Variants in BICC1 observed in about 807,000 individuals in gnomAD.
BICC1 encodes the protein protein bicaudal C homolog 1.
A neutral mutation model predicts 111.0 loss-of-function variants in BICC1; 43 were observed. That is an observed-to-expected ratio of 0.39 (90% CI 0.30 to 0.50). BICC1 has a LOEUF of 0.50. Ranked by LOEUF, BICC1 falls within the 20% of genes least tolerant of loss-of-function variation. The pLI is 0.88. For missense variants in BICC1, 1,091 were observed against 1,203.2 expected (o/e 0.91, Z 1.38); for synonymous variants, 467 against 434.4 (o/e 1.07, Z -0.93).
chr10:58,652,294 A>G (rs1400631953), intron 2 of BICC1, among the ~76,000 whole-genome samples: 4 of 152,172 alleles, frequency 2.6e-5, no homozygotes, highest in Non-Finnish European at 5.9e-5. Context: ...AAATTTGGGA[A>G]TCCTGAGTTT....
chr10:58,620,856 T>A lies in BICC1; in HGVS notation c.192T>A (p.Ala64=). Residue 64 remains alanine (A), a splice_region_variant and synonymous_variant, in exon 2 of 21, where the codon GCT becomes GCA. Coordinates refer to ENST00000373886, the MANE Select transcript of BICC1 (RefSeq NM_001080512.3). The stretch of plus-strand genomic sequence containing the variant: ...AAATGTGCACATTTTTATTTACAGC[T>A]GCTGCTGAAGGGAAAGGCAGAAGTG... ...DRKKLEAMLQ[A]AAEGKGRSGE... is the part of the protein sequence containing the mutation. 5 of 1,612,884 alleles carry A rather than the reference T, an allele frequency of 3.1e-6. No individual in the cohort carries two copies. Among genetic ancestry groups the A allele is most frequent in the Non-Finnish European group, 3.4e-6 (4 of 1,179,660 alleles).
At chr10:58,743,583 T>C (rs535583594) in intron 3 of BICC1, among the ~76,000 whole-genome samples, 4 of 152,108 alleles carry the variant, frequency 2.6e-5, no homozygotes, top group South Asian at 4.1e-4. Context: ...AGACAGCAGC[T>C]GTGAAAACAT....
At chr10:58,549,837 C>T (rs1843247315) in intron 1 of BICC1, among the ~76,000 whole-genome samples, 1 of 151,480 alleles carries the variant, frequency 6.6e-6, no homozygotes, top group Non-Finnish European at 1.5e-5. Flanking sequence ...AGATGTGCAC[C>T]ATTGTGCCCG....
intron 1 of BICC1, among the ~76,000 whole-genome samples, chr10:58,565,575 C>T (rs529837743): frequency 3.3e-5 from 5 of 152,208 alleles, no homozygotes; most frequent in Non-Finnish European, 4.4e-5. Context: ...ATGCCCTGGG[C>T]GGACAGTACT....
chr10:58,512,496 T>C (rs1298150001), upstream of BICC1, among the ~76,000 whole-genome samples: 2 of 152,088 alleles, frequency 1.3e-5, no homozygotes, highest in Non-Finnish European at 2.9e-5. Flanking sequence ...GGCGTGTTTG[T>C]GTTTGTGTGT....
At chr10:58,651,907 A>G (rs922245896) in intron 2 of BICC1, among the ~76,000 whole-genome samples, 1 of 152,176 alleles carries the variant, frequency 6.6e-6, no homozygotes, top group Non-Finnish European at 1.5e-5. Context: ...TTTTCTTGAG[A>G]TAACAGGATT....
intron 3 of BICC1, among the ~76,000 whole-genome samples, chr10:58,756,256 T>C (rs573529209): frequency 6.6e-6 from 1 of 152,302 alleles, no homozygotes; most frequent in South Asian, 2.1e-4. Context: ...GGCTTTTTTT[T>C]GCTTTTCCGT....
At chr10:58,522,538 T>C (rs1842419562) in intron 1 of BICC1, among the ~76,000 whole-genome samples, 1 of 152,126 alleles carries the variant, frequency 6.6e-6, no homozygotes, top group Non-Finnish European at 1.5e-5. Flanking sequence ...CCAGAATCTC[T>C]GGGATACATT....
chr10:58,758,983 G>A lies in BICC1; in HGVS notation c.308-26018G>A, dbSNP rs187974431. ...TTTATTTATTTATTTATTTTGAGAT[G>A]GAGTCTTGCTTTGTCACTCAGGCTG... On this transcript the variant is annotated intron_variant, in intron 3 of 20. Transcript: ENST00000373886. Among the ~76,000 whole-genome samples the A allele has an allele frequency of 3.6e-3, 538 of 150,256 alleles. 2 individuals carry two copies. Among genetic ancestry groups the A allele is most frequent in the African/African-American group, 0.012 (480 of 40,910 alleles).
At chr10:58,617,434 T>TGAATACAAGTCCCTTAGCA (rs1417864367) in intron 1 of BICC1, among the ~76,000 whole-genome samples, 1 of 152,000 alleles carries the variant, frequency 6.6e-6, no homozygotes, top group African/African-American at 2.4e-5. Context: ...GCAGCAGAGT[T>TGAATACAAGTCCCTTAGCA]GCAAGAGGTC....
At chr10:58,669,604 A>G (rs1839120049) in intron 2 of BICC1, among the ~76,000 whole-genome samples, 1 of 152,240 alleles carries the variant, frequency 6.6e-6, no homozygotes, top group African/African-American at 2.4e-5. Context: ...CTAGGGAAAC[A>G]TGCAAAAATA....
chr10:58,514,927 CT>C (rs1338609932), intron 1 of BICC1, among the ~76,000 whole-genome samples: 1 of 152,114 alleles, frequency 6.6e-6, no homozygotes, highest in Non-Finnish European at 1.5e-5. Flanking sequence ...CATACTCATC[CT>C]TTTCAACCAG....
At chr10:58,720,535 C>T (rs1352460895) in intron 3 of BICC1, among the ~76,000 whole-genome samples, 1 of 152,094 alleles carries the variant, frequency 6.6e-6, no homozygotes, top group African/African-American at 2.4e-5. Flanking sequence ...TTGATAATTT[C>T]TAGTGTGGAT....
At chr10:58,569,481 C>G (rs539245136) in intron 1 of BICC1, among the ~76,000 whole-genome samples, 1 of 152,048 alleles carries the variant, frequency 6.6e-6, no homozygotes, top group Non-Finnish European at 1.5e-5. Flanking sequence ...CATGGTGGTT[C>G]GCTGCACCCA....
intron 2 of BICC1, among the ~76,000 whole-genome samples, chr10:58,628,169 A>G (rs1478555378): frequency 6.6e-6 from 1 of 152,186 alleles, no homozygotes; most frequent in Non-Finnish European, 1.5e-5. Context: ...CCTACAATGG[A>G]CCTCCATTAC....
chr10:58,622,203 A>C (rs1316013540), intron 2 of BICC1, among the ~76,000 whole-genome samples: 1 of 152,132 alleles, frequency 6.6e-6, no homozygotes, highest in Admixed American at 6.5e-5. Context: ...AAATGAAAAG[A>C]AAACAAATAG....
chr10:58,799,278 G>A (rs967839896), intron 12 of BICC1, 26 bp downstream of exon 12: 1 of 1,550,364 alleles, frequency 6.5e-7, no homozygotes, highest in Middle Eastern at 1.8e-4. Flanking sequence ...CAGAATGTGT[G>A]TGTGATCTGT....
intron 3 of BICC1, among the ~76,000 whole-genome samples, chr10:58,780,675 T>C (rs1011904835): frequency 2.0e-5 from 3 of 152,252 alleles, no homozygotes; most frequent in East Asian, 1.9e-4. Context: ...TATTCACTAA[T>C]GTTTCCAGGG....
chr10:58,591,432 G>A (rs548265954), intron 1 of BICC1, among the ~76,000 whole-genome samples: 56 of 152,254 alleles, frequency 3.7e-4, no homozygotes, highest in Non-Finnish European at 4.9e-4. Context: ...AAGATCAAGC[G>A]TCTGGCCTTC....
Sources: gnomAD v4.1 joint callset for allele counts (sites outside exome capture counted in the v4.1 genomes callset) on GRCh38, gnomAD v4.1.1 for gene constraint, MANE v1.5 for transcripts, NCBI Gene and HGNC (gene_info 2026-07-23, HGNC 2026-07-21) for gene names.